The following CSMD3 variants were observed in gnomAD, a reference collection of about 807,000 sequenced individuals.
CSMD3 encodes the protein CUB and sushi domain-containing protein 3.
CSMD3 carries 177 observed loss-of-function variants against 435.2 expected under a neutral mutation model. The observed-to-expected ratio is 0.41, with a 90% CI of 0.36 to 0.46. CSMD3 has a LOEUF of 0.46. Among genes scored for constraint, CSMD3 ranks in the 20% least tolerant of loss-of-function variants. The pLI is 0.34. For synonymous variants in CSMD3, 1,656 were observed against 1,520.5 expected (o/e 1.09, Z -2.07); for missense variants, 4,265 against 4,504.6 (o/e 0.95, Z 1.52).
rs781621844 is a variant in CSMD3 at position 112,638,769 on chromosome 8, T to G, written c.3453A>C (p.Gly1151=). 3 of 1,612,798 alleles carry G rather than the reference T, an allele frequency of 1.9e-6. No homozygotes were observed. The highest frequency in any genetic ancestry group is 2.5e-6 in the Non-Finnish European group (3 of 1,179,058). Reference sequence around the variant, plus strand: ...TGAAACGCAATTGAGCCCTGAAATTTCCATAGAGACCAGCATTGATTGTTG... The same window carrying G: ...TGAAACGCAATTGAGCCCTGAAATTGCCATAGAGACCAGCATTGATTGTTG... ...LPPTINAGLY[G]NFRAQLRFIS... The change falls in exon 21 of 71, where the codon GGA becomes GGC. Residue 1151 remains glycine, a synonymous_variant. Transcript: ENST00000297405.
chr8:112,277,705 G>T (rs960868107), intron 59 of CSMD3, among the ~76,000 whole-genome samples: 4 of 152,088 alleles, frequency 2.6e-5, no homozygotes, highest in East Asian at 3.9e-4. Context: ...GAGATTTAAT[G>T]GACTCACAGT....
chr8:112,782,607 A>C (rs1281501265), intron 13 of CSMD3, among the ~76,000 whole-genome samples: 1 of 152,126 alleles, frequency 6.6e-6, no homozygotes, highest in Non-Finnish European at 1.5e-5. Context: ...TAAAACATCA[A>C]GCATATTTAA....
At chr8:112,401,159 C>T (rs980412166) in intron 35 of CSMD3, among the ~76,000 whole-genome samples, 6 of 151,982 alleles carry the variant, frequency 3.9e-5, no homozygotes, top group Non-Finnish European at 7.4e-5. Context: ...CAGGAGATCG[C>T]ACCACTGCAC....
chr8:112,260,187 A>T (rs1391048199), intron 61 of CSMD3, among the ~76,000 whole-genome samples: 1 of 152,194 alleles, frequency 6.6e-6, no homozygotes, highest in African/African-American at 2.4e-5. Flanking sequence ...AAAGTCCCTA[A>T]CATTAATGGA....
intron 20 of CSMD3, among the ~76,000 whole-genome samples, chr8:112,640,137 G>A (rs1464793599): frequency 3.3e-5 from 5 of 151,984 alleles, no homozygotes; most frequent in Admixed American, 2.0e-4. Context: ...GTGGTATCAC[G>A]TTAGTATTTA....
chr8:112,558,924 T>C (rs1407784840), intron 24 of CSMD3, among the ~76,000 whole-genome samples: 3 of 151,978 alleles, frequency 2.0e-5, no homozygotes, highest in Admixed American at 1.3e-4. Flanking sequence ...CAAGCTAATA[T>C]ACTAATCAGC....
intron 36 of CSMD3, among the ~76,000 whole-genome samples, chr8:112,385,453 A>T (rs1308516699): frequency 1.3e-5 from 2 of 152,232 alleles, no homozygotes; most frequent in Non-Finnish European, 2.9e-5. Context: ...AGACGTGGTG[A>T]TATCTTCAGT....
intron 32 of CSMD3, among the ~76,000 whole-genome samples, chr8:112,447,020 G>T (rs1483334455): frequency 6.6e-6 from 1 of 151,820 alleles, no homozygotes; most frequent in African/African-American, 2.4e-5. Context: ...ATGAAAATGT[G>T]GGAACCAATT....
intron 2 of CSMD3, among the ~76,000 whole-genome samples, chr8:113,305,148 T>G (rs2093808879): frequency 8.9e-6 from 1 of 112,094 alleles, no homozygotes; most frequent in Non-Finnish European, 1.8e-5. Context: ...CTGGGGACTG[T>G]TGTGGGGTTG....
intron 11 of CSMD3, among the ~76,000 whole-genome samples, chr8:112,858,744 T>C (rs2080738576): frequency 6.6e-6 from 1 of 151,850 alleles, no homozygotes; most frequent in South Asian, 2.1e-4. Flanking sequence ...AGCTATGTGA[T>C]ATATAGCAAT....
intron 1 of CSMD3, among the ~76,000 whole-genome samples, chr8:113,430,327 G>A (rs1203358979): frequency 4.0e-5 from 6 of 151,818 alleles, no homozygotes; most frequent in Admixed American, 6.6e-5. Context: ...GGCTAGGTAC[G>A]TAATTTATGT....
chr8:112,253,357 G>A (rs527664396), intron 63 of CSMD3, among the ~76,000 whole-genome samples: 7 of 151,952 alleles, frequency 4.6e-5, no homozygotes, highest in Non-Finnish European at 1.0e-4. Context: ...GAACAGGACT[G>A]AAGGAAATCA....
intron 5 of CSMD3, among the ~76,000 whole-genome samples, chr8:113,022,690 T>C (rs959675476): frequency 7.9e-5 from 12 of 151,814 alleles, no homozygotes; most frequent in Admixed American, 7.2e-4. Context: ...AATATGGTCA[T>C]GATAAATGTC....
chr8:112,640,123 C>A (rs1293424667), intron 20 of CSMD3, among the ~76,000 whole-genome samples: 1 of 152,044 alleles, frequency 6.6e-6, no homozygotes, highest in Non-Finnish European at 1.5e-5. Context: ...ATAGTGGACT[C>A]CTTGTGGTAT....
rs1368336024 is a variant in CSMD3, at chr8:112,695,610, C to A, written c.1973-5560G>T. On this transcript the variant is annotated intron_variant, in intron 13 of 70. Coordinates refer to ENST00000297405, the MANE Select transcript of CSMD3 (RefSeq NM_198123.2). ...AATAATAAGAGCTATCTATGAAAAA[C>A]CCACAGCCAATGTCATGCTGAATGG... 2.0e-5 allele frequency among the ~76,000 whole-genome samples: 3 copies of A among 152,150 alleles called. No homozygotes were observed. In the East Asian group the frequency reaches 5.8e-4, roughly 29 times the overall value.
intron 13 of CSMD3, among the ~76,000 whole-genome samples, chr8:112,744,112 G>C (rs531477257): frequency 6.6e-6 from 1 of 152,152 alleles, no homozygotes; most frequent in South Asian, 2.1e-4. Context: ...AATTGTCTCA[G>C]ATGTACTTCT....
intron 66 of CSMD3, among the ~76,000 whole-genome samples, chr8:112,238,382 T>C (rs1043039036): frequency 1.3e-5 from 2 of 152,104 alleles, no homozygotes; most frequent in Admixed American, 1.3e-4. Context: ...GTGTATTCCC[T>C]GAATTCTATT....
At chr8:113,046,254 G>A (rs2087825580) in intron 5 of CSMD3, among the ~76,000 whole-genome samples, 1 of 148,912 alleles carries the variant, frequency 6.7e-6, no homozygotes, top group Non-Finnish European at 1.5e-5. Context: ...CTACCCCACA[G>A]GGAACAACAG....
intron 38 of CSMD3, among the ~76,000 whole-genome samples, chr8:112,362,061 T>A (rs1402811792): frequency 2.0e-5 from 3 of 151,942 alleles, no homozygotes; most frequent in African/African-American, 7.2e-5. Flanking sequence ...AGTTCAAGAA[T>A]AATGTAGACA....
Sources: allele counts gnomAD v4.1 joint callset (sites outside exome capture counted in the v4.1 genomes callset), GRCh38; gene constraint gnomAD v4.1.1; transcripts MANE v1.5; gene names NCBI Gene and HGNC (gene_info 2026-07-23, HGNC 2026-07-21).